CLCA4: variants seen among roughly 807,000 people sequenced by gnomAD.
The protein encoded by CLCA4 is chloride channel accessory 4.
A neutral mutation model predicts 78.9 loss-of-function variants in CLCA4; 69 were observed. That is an observed-to-expected ratio of 0.87 (90% CI 0.72 to 1.07). The LOEUF is 1.07. Ranked by LOEUF, CLCA4 falls within the 50% of genes least tolerant of loss-of-function variation. CLCA4 has a pLI of 0.00. For missense variants in CLCA4, 1,133 were observed against 1,095.8 expected, an observed-to-expected ratio of 1.03 and a Z score of -0.48; for synonymous variants, 362 against 375.8, an observed-to-expected ratio of 0.96 and a Z score of 0.42.
At chr1:86,567,393 C>A in intron 6 of CLCA4, 31 bp from the exon 7 acceptor site, 1 of 1,534,962 alleles carries the variant, frequency 6.5e-7, no homozygotes. Context: ...GTCAAAATCA[C>A]TTGTTTGTTT....
intron 1 of CLCA4, among the ~76,000 whole-genome samples, chr1:86,557,095 A>G (rs1425581260): frequency 6.6e-6 from 1 of 151,786 alleles, no homozygotes; most frequent in Non-Finnish European, 1.5e-5. Context: ...TTTCTTATTT[A>G]TTAGTCTAGC....
Position 86,552,583 on chromosome 1 carries a change from G to GC in CLCA4, c.159+5306dup, listed in dbSNP as rs1251994900. On this transcript the variant is annotated intron_variant, in intron 1 of 13. Transcript: ENST00000370563. Reference sequence around the variant, plus strand: ...CGGGAGCCAGTGCTCACGTGTCCACGCGTCAGACACAGCTGCGAGCGCTCA... The same window carrying GC: ...CGGGAGCCAGTGCTCACGTGTCCACGCCGTCAGACACAGCTGCGAGCGCTCA... 3 of 593,956 alleles carry GC rather than the reference G, an allele frequency of 5.1e-6. No homozygotes were observed. In the African/African-American group the frequency reaches 5.7e-5, roughly 11 times the overall value. The allele number at this position is 593,956 out of a possible 1,614,324, so 36.8% of individuals were successfully genotyped here.
chr1:86,566,038 GGATATAGGGATGTAGGATATTTGAA>G lies in CLCA4; in HGVS notation c.954+22_954+46del, dbSNP rs770126242. ...GCATGGGGGTAAGATCACTTTTTCT[GGATATAGGGATGTAGGATATTTGAA>G]GATCCGAGAACACACTGAACTCTGT... On this transcript the variant is annotated intron_variant, in intron 6 of 13. Transcript: ENST00000370563. 1 of 1,594,616 alleles carries G rather than the reference GGATATAGGGATGTAGGATATTTGAA, an allele frequency of 6.3e-7. No individual in the cohort carries two copies. Among genetic ancestry groups the G allele is most frequent in the South Asian group, 1.1e-5 (1 of 89,912 alleles).
At chr1:86,552,320 T>C (rs994004556) in intron 1 of CLCA4, among the ~76,000 whole-genome samples, 8 of 152,204 alleles carry the variant, frequency 5.3e-5, no homozygotes, top group Non-Finnish European at 2.9e-5. Context: ...CGCCGTCCTC[T>C]ACAGTGGGGG....
intron 11 of CLCA4, among the ~76,000 whole-genome samples, chr1:86,577,523 G>A (rs1275738084): frequency 1.3e-5 from 2 of 152,072 alleles, no homozygotes; most frequent in African/African-American, 4.8e-5. Context: ...GATTTAAACA[G>A]AGAGATGACA....
At chr1:86,557,188 GTCTCATTT>G (rs1172383721) in intron 1 of CLCA4, among the ~76,000 whole-genome samples, 4 of 151,786 alleles carry the variant, frequency 2.6e-5, no homozygotes, top group African/African-American at 7.3e-5. Flanking sequence ...GGTTTTTTGT[GTCTCATTT>G]TCTCATTTTC....
chr1:86,565,159 T>C, intron 4 of CLCA4, 115 bp from the exon 5 acceptor site: 2 of 656,196 alleles, frequency 3.0e-6, no homozygotes, highest in South Asian at 2.3e-5. Flanking sequence ...AAGTACATGG[T>C]ACCATAGAAG....
rs779145918 is a variant in CLCA4, at chr1:86,577,936, C to T, written c.1986C>T (p.Ser662=). Residue 662 remains serine, a synonymous_variant, in exon 12 of 14, where the codon TCC becomes TCT. Transcript: ENST00000370563. ...CTTTCAAGAATGATGGAGTCTACTC[C>T]AGGTATTTTACAGCATATACAGAAA... ...ADSFKNDGVY[S]RYFTAYTENG... 1 of 1,612,598 alleles carries T rather than the reference C, an allele frequency of 6.2e-7. No homozygotes were observed. The highest frequency in any genetic ancestry group is 1.1e-5 in the South Asian group (1 of 90,972).
chr1:86,550,249 T>G (rs1167915289), intron 1 of CLCA4, among the ~76,000 whole-genome samples: 2 of 152,228 alleles, frequency 1.3e-5, no homozygotes, highest in African/African-American at 4.8e-5. Flanking sequence ...AGGTACCTTT[T>G]AAATTTCATG....
chr1:86,547,292 G>A lies in CLCA4; in HGVS notation c.159+14G>A, dbSNP rs1468130192. ...GAACAAATAGAGGTAAGAACAAAATGGAATATCTTTCATTAATTTTTAGTT... is the reference window on the plus strand; with the variant it reads ...GAACAAATAGAGGTAAGAACAAAATAGAATATCTTTCATTAATTTTTAGTT... On this transcript the variant is annotated intron_variant, in intron 1 of 13. Transcript: ENST00000370563. The A allele has an allele frequency of 2.0e-6, 3 of 1,534,024 alleles. No individual in the cohort carries two copies. The highest frequency in any genetic ancestry group is 1.3e-5 in the South Asian group (1 of 78,474).
In CLCA4 at chr1:86,579,966, G is replaced by C; in HGVS notation, c.2381G>C (p.Ser794Thr). 1 of 1,595,282 alleles carries C rather than the reference G, an allele frequency of 6.3e-7. No individual in the cohort carries two copies. The highest frequency in any genetic ancestry group is 8.5e-7 in the Non-Finnish European group (1 of 1,169,644). ...GKVQRYIIRISASILDLRDSF... is the reference protein window; with the variant it reads ...GKVQRYIIRITASILDLRDSF... ...GTTCAACGTTATATCATAAGAATAAGTGCAAGTATTCTTGATCTAAGAGAC... is the reference window on the plus strand; with the variant it reads ...GTTCAACGTTATATCATAAGAATAACTGCAAGTATTCTTGATCTAAGAGAC... Residue 794 changes from serine (S) to threonine (T), a missense_variant, in exon 14 of 14, where the codon AGT becomes ACT. Physicochemically the swap from Ser to Thr is moderately conservative, Grantham distance 58 (BLOSUM62 1). Coordinates refer to ENST00000370563, the MANE Select transcript of CLCA4 (RefSeq NM_012128.4).
chr1:86,560,882 C>A (rs1013491045), intron 3 of CLCA4, among the ~76,000 whole-genome samples: 7 of 152,094 alleles, frequency 4.6e-5, no homozygotes, highest in Non-Finnish European at 1.0e-4. Context: ...ATCATTTTGA[C>A]CTATAAAAAT....
In CLCA4 at chr1:86,559,993, A is replaced by C. The variant is rs1649965205; in HGVS notation, c.221A>C (p.Lys74Thr). 6.2e-7 allele frequency: 1 copy of C among 1,608,460 alleles called. No homozygotes were observed. Among genetic ancestry groups the C allele is most frequent in the Admixed American group, 1.7e-5 (1 of 59,140 alleles). ...FEATEKRFFF[K>T]NVSILIPENW... ...GCCACAGAAAAAAGATTTTTTTTCA[A>C]AAATGTATCTATATTAATTCCTGAG... Residue 74 changes from lysine (K) to threonine (T), a missense_variant, in exon 2 of 14, where the codon AAA becomes ACA. Coordinates refer to ENST00000370563, the MANE Select transcript of CLCA4 (RefSeq NM_012128.4).
intron 7 of CLCA4, among the ~76,000 whole-genome samples, chr1:86,567,898 CTTT>C (rs1412494760): frequency 1.3e-5 from 2 of 151,988 alleles, no homozygotes; most frequent in African/African-American, 4.8e-5. Context: ...AAGTCATGGA[CTTT>C]GCTGTCTTGT....
rs145718816 is a variant in CLCA4, at chr1:86,551,417, G to T, written c.159+4139G>T. On this transcript the variant is annotated intron_variant, in intron 1 of 13. Transcript: ENST00000370563. ...GAAAACAAACCTTTTTGGCTAAGGGGTGAGGAAGTTAGAAAAAGCATGAGA... is the reference window on the plus strand; with the variant it reads ...GAAAACAAACCTTTTTGGCTAAGGGTTGAGGAAGTTAGAAAAAGCATGAGA... 7.2e-5 allele frequency among the ~76,000 whole-genome samples: 11 copies of T among 152,264 alleles called. No individual in the cohort carries two copies. The East Asian group carries it at 2.1e-3, about 29-fold the overall frequency.
chr1:86,579,458 C>G lies in CLCA4; in HGVS notation c.2227C>G (p.Gln743Glu), dbSNP rs777527628. 6.2e-7 allele frequency: 1 copy of G among 1,613,322 alleles called. No homozygotes were observed. Among genetic ancestry groups the G allele is most frequent in the Non-Finnish European group, 8.5e-7 (1 of 1,179,524 alleles). Residue 743 changes from glutamine to glutamate, a missense_variant, in exon 13 of 14, where the codon CAA becomes GAA. Transcript: ENST00000370563. ...TASGGAFVVS[Q>E]VPSLPLPDQY... The stretch of plus-strand genomic sequence containing the variant: ...ATCCGGAGGTGCATTTGTGGTATCA[C>G]AAGTCCCAAGCCTTCCCTTGCCTGA...
In CLCA4 at chr1:86,547,097, C is replaced by T; in HGVS notation, c.-23C>T. The T allele has an allele frequency of 6.3e-7, 1 of 1,585,332 alleles. No individual in the cohort carries two copies. The highest frequency in any genetic ancestry group is 8.5e-7 in the Non-Finnish European group (1 of 1,172,596). ...CCTCTTGAACAAACCAACATTTGAG[C>T]CAGGAATAACTAGAGAGGAACAATG... On this transcript the variant is annotated 5_prime_UTR_variant, in exon 1 of 14. Coordinates refer to ENST00000370563, the MANE Select transcript of CLCA4 (RefSeq NM_012128.4).
chr1:86,551,909 G>A (rs1454374849), intron 1 of CLCA4, among the ~76,000 whole-genome samples: 2 of 149,998 alleles, frequency 1.3e-5, no homozygotes, highest in African/African-American at 2.5e-5. Flanking sequence ...CAAAAAAAAT[G>A]TAGTAGCTGT....
Position 86,572,630 on chromosome 1 carries a change from T to C in CLCA4, c.1377T>C (p.Tyr459=). 1.2e-6 allele frequency: 2 copies of C among 1,601,448 alleles called. No individual in the cohort carries two copies. Among genetic ancestry groups the C allele is most frequent in the Non-Finnish European group, 1.7e-6 (2 of 1,169,430 alleles). ...MSKITGGSHF[Y]VSDEAQNNGL... ...ACATTTTAGGAGGAAGTCATTTTTA[T>C]GTTTCAGATGAAGCTCAGAACAATG... The change falls in exon 9 of 14, where the codon TAT becomes TAC. Residue 459 remains tyrosine, a synonymous_variant. Transcript: ENST00000370563.
Sources: allele counts gnomAD v4.1 joint callset (sites outside exome capture counted in the v4.1 genomes callset), GRCh38; gene constraint gnomAD v4.1.1; transcripts MANE v1.5; gene names NCBI Gene and HGNC (gene_info 2026-07-23, HGNC 2026-07-21).